PPFIA2: variants seen among roughly 807,000 people sequenced by gnomAD.
PPFIA2 encodes the protein PPFI scaffold protein A2.
Under a neutral mutation model 175.5 loss-of-function variants are expected in PPFIA2, and 46 were observed. The ratio of observed to expected loss-of-function variants is 0.26; its 90% CI spans 0.21 to 0.34. PPFIA2 has a LOEUF of 0.34. PPFIA2 is among the 10% of genes least tolerant of loss of function. PPFIA2 has a pLI of 1.00. For synonymous variants in PPFIA2, 568 were observed against 511.4 expected (o/e 1.11, Z -1.49); for missense variants, 1,179 against 1,506.1 (o/e 0.78, Z 3.60).
At chr12:81,563,746 G>T (rs1922411) in intron 4 of PPFIA2, among the ~76,000 whole-genome samples, 2 of 152,276 alleles carry the variant, frequency 1.3e-5, no homozygotes, top group African/African-American at 4.8e-5. Flanking sequence ...ACACTAGTCA[G>T]TCGTTATTCA....
chr12:81,444,150 G>A (rs931572368), intron 6 of PPFIA2, among the ~76,000 whole-genome samples: 5 of 152,006 alleles, frequency 3.3e-5, no homozygotes, highest in Non-Finnish European at 5.9e-5. Context: ...CACCGCGCCC[G>A]GCCATGCCAA....
intron 1 of PPFIA2, chr12:81,758,768 A>T (rs1214009864): frequency 6.4e-6 from 1 of 156,872 alleles, no homozygotes; most frequent in African/African-American, 2.4e-5. Context: ...GAACAGCCGC[A>T]GCTCCCCGCG....
chr12:81,300,073 G>A (rs968846169), intron 22 of PPFIA2, among the ~76,000 whole-genome samples: 5 of 152,120 alleles, frequency 3.3e-5, no homozygotes, highest in African/African-American at 1.2e-4. Flanking sequence ...ACAAATGGTT[G>A]TTTTGATAAC....
intron 5 of PPFIA2, among the ~76,000 whole-genome samples, chr12:81,447,770 T>C (rs1024272184): frequency 2.0e-5 from 3 of 152,224 alleles, no homozygotes; most frequent in African/African-American, 7.2e-5. Context: ...CCAACATCTA[T>C]AGGTATGCAA....
chr12:81,533,985 C>T (rs2065020515), intron 4 of PPFIA2, among the ~76,000 whole-genome samples: 1 of 151,274 alleles, frequency 6.6e-6, no homozygotes, highest in Non-Finnish European at 1.5e-5. Flanking sequence ...TACAATTTGG[C>T]CATAAAAACA....
Position 81,292,975 on chromosome 12 carries a change from G to A in PPFIA2, c.2925+1860C>T, listed in dbSNP as rs182082054. The A allele has an allele frequency of 4.0e-5, 6 of 151,584 alleles. No individual in the cohort carries two copies. In the East Asian group the frequency reaches 1.2e-3, roughly 29 times the overall value. 9.4% of individuals were successfully genotyped at this position (151,584 alleles called of 1,614,324 possible). On this transcript the variant is annotated intron_variant, in intron 24 of 32. Transcript: ENST00000549396. ...TTTTAAATTTGACCTTTTATTTCTG[G>A]CATTAGAATCTAGTATACTGGGAAG...
At chr12:81,447,918 G>T (rs768704410) in intron 5 of PPFIA2, among the ~76,000 whole-genome samples, 7 of 152,134 alleles carry the variant, frequency 4.6e-5, no homozygotes, top group Non-Finnish European at 2.9e-5. Flanking sequence ...TTTCCTAAAA[G>T]CTTAGGCTAA....
In PPFIA2 at chr12:81,739,362, G is replaced by A. The variant is rs1208266757; in HGVS notation, c.249+14611C>T. ...TTGTCCAGATGGAATATAGTTCATA[G>A]TACTGTATTCTGATAGCATGATGGA... On this transcript the variant is annotated intron_variant, in intron 3 of 32. Coordinates refer to ENST00000549396, the MANE Select transcript of PPFIA2 (RefSeq NM_003625.5). 2.0e-5 allele frequency among the ~76,000 whole-genome samples: 3 copies of A among 152,122 alleles called. No individual in the cohort carries two copies. In the East Asian group the frequency reaches 5.8e-4, roughly 29 times the overall value.
rs767601610 is a variant in PPFIA2, at chr12:81,368,833, A to G, written c.1374T>C (p.Asn458=). 2.1e-5 allele frequency: 34 copies of G among 1,610,238 alleles called. No homozygotes were observed. The highest frequency in any genetic ancestry group is 4.5e-5 in the East Asian group (2 of 44,722). ...LQRARQREKM[N]EEHNKRLSDT... is the part of the protein sequence containing the mutation. ...CCGATAATCTCTTGTTATGCTCCTC[A>G]TTCATTTTCTCTCTTTGCCTAGCCT... The change falls in exon 13 of 33, where the codon AAT becomes AAC. Residue 458 remains asparagine (N), a synonymous_variant. Transcript: ENST00000549396.
rs1164097157 is a variant in PPFIA2, at chr12:81,531,571, G to C, written c.304-73705C>G. ...GACAAAACAAAACAATCATGAGGAA[G>C]AGAATGATGATAATTAATAACGAAT... On this transcript the variant is annotated intron_variant, in intron 4 of 32. Transcript: ENST00000549396. 2.0e-5 allele frequency among the ~76,000 whole-genome samples: 3 copies of C among 151,526 alleles called. No individual in the cohort carries two copies. In the Admixed American group the frequency reaches 2.0e-4, roughly 10 times the overall value.
chr12:81,439,822 C>T (rs2049834573), intron 7 of PPFIA2, 150 bp downstream of exon 7: 1 of 685,466 alleles, frequency 1.5e-6, no homozygotes, highest in Admixed American at 3.5e-5. Flanking sequence ...AAACAAGACT[C>T]CGGCAACTAA....
At chr12:81,635,327 A>AC (rs2153505069) in intron 4 of PPFIA2, among the ~76,000 whole-genome samples, 1 of 152,326 alleles carries the variant, frequency 6.6e-6, no homozygotes, top group East Asian at 1.9e-4. Context: ...CAATACACAC[A>AC]TTATTCTATT....
chr12:81,410,003 C>T (rs765929790), intron 7 of PPFIA2, among the ~76,000 whole-genome samples: 8 of 152,094 alleles, frequency 5.3e-5, no homozygotes, highest in South Asian at 2.1e-4. Context: ...CTTTAGGAGA[C>T]GATAAATGGA....
intron 27 of PPFIA2, among the ~76,000 whole-genome samples, chr12:81,277,915 G>A (rs1279299634): frequency 6.6e-6 from 1 of 152,154 alleles, no homozygotes; most frequent in African/African-American, 2.4e-5. Context: ...AAGTATGTAA[G>A]AAGAACCAGT....
chr12:81,671,813 C>A (rs2071477146), intron 4 of PPFIA2, among the ~76,000 whole-genome samples: 1 of 151,810 alleles, frequency 6.6e-6, no homozygotes, highest in Non-Finnish European at 1.5e-5. Context: ...TACCATGGTC[C>A]CCCCATCACT....
intron 5 of PPFIA2, among the ~76,000 whole-genome samples, chr12:81,447,922 A>C (rs1335964895): frequency 1.3e-5 from 2 of 152,200 alleles, no homozygotes; most frequent in African/African-American, 2.4e-5. Flanking sequence ...CTAAAAGCTT[A>C]GGCTAATTAA....
chr12:81,376,417 C>CA (rs34688540), intron 9 of PPFIA2, among the ~76,000 whole-genome samples: 125 of 142,980 alleles, frequency 8.7e-4, no homozygotes, highest in East Asian at 1.4e-3. Flanking sequence ...AAGGCCAGGC[C>CA]AAAAAAAAAA....
At chr12:81,461,018 A>G (rs181608226) in intron 4 of PPFIA2, among the ~76,000 whole-genome samples, 25 of 152,180 alleles carry the variant, frequency 1.6e-4, no homozygotes, top group African/African-American at 5.5e-4. Context: ...GAAAAATTAT[A>G]TTTCCCAAGG....
intron 7 of PPFIA2, among the ~76,000 whole-genome samples, chr12:81,406,349 A>G (rs1009121043): frequency 2.0e-5 from 3 of 152,170 alleles, no homozygotes; most frequent in Non-Finnish European, 4.4e-5. Context: ...TTTCGCCTAC[A>G]CTGATAGCCC....
Sources: gnomAD v4.1 joint callset for allele counts (sites outside exome capture counted in the v4.1 genomes callset) on GRCh38, gnomAD v4.1.1 for gene constraint, MANE v1.5 for transcripts, NCBI Gene and HGNC (gene_info 2026-07-23, HGNC 2026-07-21) for gene names.